Variants in DDX59 observed in about 807,000 individuals in gnomAD.
DDX59 encodes the protein DEAD-box helicase 59.
DDX59 carries 30 observed loss-of-function variants against 51.9 expected under a neutral mutation model. The ratio of observed to expected loss-of-function variants is 0.58; its 90% CI spans 0.43 to 0.78. The LOEUF is 0.78. DDX59 is among the 30% of genes least tolerant of loss of function. DDX59 has a pLI of 0.00. For missense variants in DDX59, 672 were observed against 730.8 expected (o/e 0.92, Z 0.93); for synonymous variants, 255 against 253.3 (o/e 1.01, Z -0.06).
chr1:200,646,309 G>C (rs765489100), intron 7 of DDX59, among the ~76,000 whole-genome samples: 1 of 151,930 alleles, frequency 6.6e-6, no homozygotes. Flanking sequence ...ACTCCAGCCC[G>C]GGCAACAGAA....
intron 6 of DDX59, 62 bp from the exon 7 acceptor site, chr1:200,648,629 C>T: frequency 2.0e-6 from 3 of 1,530,252 alleles, no homozygotes; most frequent in African/African-American, 1.4e-5. Flanking sequence ...TTGTGTAATT[C>T]TGATAGCTTT....
chr1:200,659,288 G>A (rs367971763), intron 3 of DDX59, among the ~76,000 whole-genome samples, 172 bp from the exon 4 acceptor site: 10 of 152,170 alleles, frequency 6.6e-5, no homozygotes, highest in Middle Eastern at 3.2e-3. Flanking sequence ...TAATACAAAG[G>A]AAGAAACAGA....
At chr1:200,665,627 CT>C (rs1662675913) in intron 2 of DDX59, among the ~76,000 whole-genome samples, 1 of 152,170 alleles carries the variant, frequency 6.6e-6, no homozygotes, top group Non-Finnish European at 1.5e-5. Context: ...TCAGCTGGAT[CT>C]TTTCCCCCTC....
intron 3 of DDX59, among the ~76,000 whole-genome samples, chr1:200,660,012 A>C (rs1302623722): frequency 6.6e-6 from 1 of 152,168 alleles, no homozygotes; most frequent in East Asian, 1.9e-4. Flanking sequence ...AACAAGAAGG[A>C]AAAATGCTTT....
intron 4 of DDX59, among the ~76,000 whole-genome samples, chr1:200,652,916 C>A (rs1030879651): frequency 6.6e-6 from 1 of 152,168 alleles, no homozygotes; most frequent in Non-Finnish European, 1.5e-5. Context: ...AACTACTGGC[C>A]TCAAGCAATC....
intron 3 of DDX59, among the ~76,000 whole-genome samples, chr1:200,661,377 AT>A (rs1261647150): frequency 1.3e-5 from 2 of 152,194 alleles, no homozygotes; most frequent in Admixed American, 1.3e-4. Context: ...TCCCCAAAAT[AT>A]TTACTAAACT....
Position 200,664,174 on chromosome 1 carries a change from TG to T in DDX59, c.805-89del, listed in dbSNP as rs1662563472. On this transcript the variant is annotated intron_variant, in intron 2 of 7. Transcript: ENST00000331314. ...AATCTTCACAAGGATTCCAGGAACA[TG>T]GCCCCTTTAAAGTGTTCCCAACTGG... 3 of 1,441,952 alleles carry T rather than the reference TG, an allele frequency of 2.1e-6. No homozygotes were observed. In the South Asian group the frequency reaches 4.1e-5, roughly 20 times the overall value. The allele number at this position is 1,441,952 out of a possible 1,614,324, so 89.3% of individuals were successfully genotyped here.
downstream of DDX59, among the ~76,000 whole-genome samples, chr1:200,643,782 A>G (rs1661124655): frequency 6.6e-6 from 1 of 152,198 alleles, no homozygotes; most frequent in Admixed American, 6.5e-5. Flanking sequence ...GCAGAAGGTA[A>G]AACAACTGAG....
chr1:200,657,642 G>A lies in DDX59; in HGVS notation c.1062+1385C>T, dbSNP rs1267764685. On this transcript the variant is annotated intron_variant, in intron 4 of 7. Coordinates refer to ENST00000331314, the MANE Select transcript of DDX59 (RefSeq NM_001031725.6). ...CGGGCGCCTGTAGTCCCAGCTACTC[G>A]GGAGGCTGAGGCAGGAGAATGGCAC... Among the ~76,000 whole-genome samples the A allele has an allele frequency of 4.0e-5, 6 of 151,796 alleles. No homozygotes were observed. The East Asian group carries it at 9.7e-4, about 24-fold the overall frequency.
intron 1 of DDX59, 181 bp downstream of exon 1, chr1:200,669,586 C>A (rs576307999): frequency 6.6e-6 from 1 of 152,428 alleles, no homozygotes; most frequent in Non-Finnish European, 1.5e-5. Flanking sequence ...CTTCACGTCA[C>A]GGAGCTGCTA....
chr1:200,648,040 G>GA (rs923695249), intron 7 of DDX59, among the ~76,000 whole-genome samples: 5 of 129,938 alleles, frequency 3.8e-5, no homozygotes, highest in Non-Finnish European at 6.5e-5. Context: ...TGGGGGGGGG[G>GA]AGGGGGGAAT....
chr1:200,669,431 T>G (rs1663007745), intron 1 of DDX59: 1 of 152,520 alleles, frequency 6.6e-6, no homozygotes, highest in African/African-American at 2.4e-5. Flanking sequence ...AAAGGGAACG[T>G]GCTCCTGCTG....
chr1:200,665,219 G>A (rs959939174), intron 2 of DDX59, among the ~76,000 whole-genome samples: 9 of 152,286 alleles, frequency 5.9e-5, no homozygotes, highest in African/African-American at 2.2e-4. Flanking sequence ...ACTGTGTGAA[G>A]CTGAGGCGGT....
Position 200,663,960 on chromosome 1 carries a change from GTA to G in DDX59, c.929_930del (p.Leu310SerfsTer14). ...AGACGATAAAGCTGTGGGGGTAAGG[GTA>G]AGCCCCCTACAAGAAGCACAGTTTT... ...RMKTVLLVGG[L>X]PLPPQLYRLQ... On this transcript the variant is annotated frameshift_variant, in exon 3 of 8. Coordinates refer to ENST00000331314, the MANE Select transcript of DDX59 (RefSeq NM_001031725.6). LOFTEE classifies it high-confidence loss of function. 1 of 1,614,172 alleles carries G rather than the reference GTA, an allele frequency of 6.2e-7. No individual in the cohort carries two copies. Among genetic ancestry groups the G allele is most frequent in the South Asian group, 1.1e-5 (1 of 91,076 alleles).
At chr1:200,651,356 G>A (rs968061500) in intron 4 of DDX59, among the ~76,000 whole-genome samples, 6 of 152,146 alleles carry the variant, frequency 3.9e-5, no homozygotes, top group African/African-American at 1.4e-4. Context: ...AATAAGAGGG[G>A]AAGCCTTTAG....
At chr1:200,656,724 C>T (rs570355849) in intron 4 of DDX59, among the ~76,000 whole-genome samples, 7 of 152,202 alleles carry the variant, frequency 4.6e-5, no homozygotes, top group African/African-American at 1.4e-4. Flanking sequence ...CCCATGAAGC[C>T]TTGTTAGTGG....
Position 200,652,617 on chromosome 1 carries a change from C to T in DDX59, c.1063-1941G>A, listed in dbSNP as rs1262730724. Among the ~76,000 whole-genome samples the T allele has an allele frequency of 4.6e-5, 7 of 150,966 alleles. No homozygotes were observed. The East Asian group carries it at 1.4e-3, about 30-fold the overall frequency. On this transcript the variant is annotated intron_variant, in intron 4 of 7. Transcript: ENST00000331314. ...CTTTCTAACATGTCTTTAATGTGCA[C>T]AAATTATTCAACAGATGTTATTCAA... is the stretch of plus-strand genomic sequence containing the variant.
At chr1:200,641,486 A>C (rs897293243), downstream of DDX59, among the ~76,000 whole-genome samples, 31 of 43,684 alleles carry the variant, frequency 7.1e-4, no homozygotes, top group Admixed American at 5.4e-3. Context: ...GGCTCCCAGC[A>C]CTTTGGGAGG....
downstream of DDX59, chr1:200,641,396 CT>C (rs1282016852): frequency 1.2e-3 from 135 of 110,590 alleles, 1 homozygote; most frequent in East Asian, 0.02. Flanking sequence ...ACCAAAAAAA[CT>C]AAAAAAAAAA....
Sources: allele counts gnomAD v4.1 joint callset (sites outside exome capture counted in the v4.1 genomes callset), GRCh38; gene constraint gnomAD v4.1.1; transcripts MANE v1.5; gene names NCBI Gene and HGNC (gene_info 2026-07-23, HGNC 2026-07-21).